Variants in CD6 observed in about 807,000 individuals in gnomAD.
CD6 encodes the protein CD6 molecule.
CD6 carries 53 observed loss-of-function variants against 75.3 expected under a neutral mutation model. The observed-to-expected ratio is 0.70, with a 90% CI of 0.56 to 0.88. The LOEUF is 0.88. CD6 is among the 40% of genes least tolerant of loss of function. The pLI is 0.00. For missense variants in CD6, 770 were observed against 897.1 expected (o/e 0.86, Z 1.81); for synonymous variants, 359 against 381.5 (o/e 0.94, Z 0.69).
At chr11:61,005,838 G>T (rs992687285) in intron 1 of CD6, among the ~76,000 whole-genome samples, 4 of 152,064 alleles carry the variant, frequency 2.6e-5, no homozygotes, top group Admixed American at 2.6e-4. Flanking sequence ...GGCTGAGACA[G>T]GAGAATCGCT....
intron 1 of CD6, among the ~76,000 whole-genome samples, chr11:61,000,460 G>A (rs1167045783): frequency 6.6e-6 from 1 of 152,164 alleles, no homozygotes; most frequent in East Asian, 1.9e-4. Flanking sequence ...CACTCAACGA[G>A]CATTCAGGAT....
chr11:60,987,190 A>G (rs1247218730), intron 1 of CD6, among the ~76,000 whole-genome samples: 1 of 152,258 alleles, frequency 6.6e-6, no homozygotes, highest in Non-Finnish European at 1.5e-5. Flanking sequence ...TCAAAGAGTC[A>G]GTGGGACTGG....
intron 8 of CD6, chr11:61,015,378 C>T (rs965522270): frequency 4.7e-6 from 1 of 211,938 alleles, no homozygotes; most frequent in African/African-American, 2.3e-5. Flanking sequence ...TGAGAACAGC[C>T]TGGGCAACAT....
Position 61,006,666 on chromosome 11 carries a change from G to A in CD6, c.118+24G>A, listed in dbSNP as rs150290463. The stretch of plus-strand genomic sequence containing the variant: ...AGGTGAGCAAACATTCCCTCTGGGG[G>A]TCCATGATCAGCTTTCTGTAGGTGG... On this transcript the variant is annotated intron_variant, in intron 2 of 12. Coordinates refer to ENST00000313421, the MANE Select transcript of CD6 (RefSeq NM_006725.5). The A allele has an allele frequency of 7.4e-4, 1,166 of 1,586,044 alleles. 1 individual carries two copies. The highest frequency in any genetic ancestry group is 9.3e-4 in the Non-Finnish European group (1,080 of 1,162,246).
At position 61,009,785 on chromosome 11, in the gene CD6, G is replaced by A. The variant is rs373043486; in HGVS notation, c.995G>A (p.Gly332Glu). The A allele has an allele frequency of 2.5e-6, 4 of 1,612,562 alleles. No homozygotes were observed. ...LSGRMYYSCN[G>E]EELTLSNCSW... ...GGCAGGATGTACTACTCATGCAATG[G>A]GGAGGAGCTCACCCTCTCCAACTGC... Residue 332 changes from glycine (G) to glutamate (E), a missense_variant, in exon 5 of 13, where the codon GGG (glycine) becomes GAG (glutamate). By Grantham distance (98) the Gly-to-Glu change is moderately conservative. Coordinates refer to ENST00000313421, the MANE Select transcript of CD6 (RefSeq NM_006725.5).
At chr11:61,014,118 G>T in intron 8 of CD6, 104 bp downstream of exon 8, 2 of 806,174 alleles carry the variant, frequency 2.5e-6, no homozygotes, top group East Asian at 2.8e-5. Context: ...CACACAGCTG[G>T]AGATGAGATC....
chr11:60,976,125 GT>G (rs1857354676), intron 1 of CD6, among the ~76,000 whole-genome samples: 1 of 152,166 alleles, frequency 6.6e-6, no homozygotes, highest in South Asian at 2.1e-4. Flanking sequence ...GCACTGGAGT[GT>G]TGTACATTGT....
intron 1 of CD6, among the ~76,000 whole-genome samples, chr11:60,983,279 AC>A (rs763799190): frequency 6.6e-6 from 1 of 151,656 alleles, no homozygotes; most frequent in Non-Finnish European, 1.5e-5. Context: ...TTTAGTAGAG[AC>A]GGGGTTTCAC....
At chr11:61,008,374 C>A in intron 3 of CD6, 160 bp from the exon 4 acceptor site, 1 of 693,238 alleles carries the variant, frequency 1.4e-6, no homozygotes, top group Admixed American at 2.9e-5. Flanking sequence ...CTACCTAACC[C>A]ATCTGCAGTC....
At chr11:60,977,368 C>A (rs987397550) in intron 1 of CD6, among the ~76,000 whole-genome samples, 1 of 152,100 alleles carries the variant, frequency 6.6e-6, no homozygotes, top group Non-Finnish European at 1.5e-5. Context: ...ACACCATGAG[C>A]TTTAACATCC....
At chr11:60,989,100 T>C (rs1159672809) in intron 1 of CD6, among the ~76,000 whole-genome samples, 2 of 152,206 alleles carry the variant, frequency 1.3e-5, no homozygotes, top group Non-Finnish European at 2.9e-5. Flanking sequence ...TCTTAACTCT[T>C]GCTACTTGTT....
intron 1 of CD6, among the ~76,000 whole-genome samples, chr11:60,978,014 G>A (rs1857423847): frequency 6.6e-6 from 1 of 152,168 alleles, no homozygotes; most frequent in East Asian, 1.9e-4. Context: ...ATGTCAGAGA[G>A]ACTTTAAAGA....
chr11:60,976,679 T>C (rs1857375731), intron 1 of CD6, among the ~76,000 whole-genome samples: 1 of 152,220 alleles, frequency 6.6e-6, no homozygotes, highest in South Asian at 2.1e-4. Flanking sequence ...GGTGTTTTTG[T>C]TGTTTTGCCA....
At chr11:60,977,026 G>A (rs944371571) in intron 1 of CD6, among the ~76,000 whole-genome samples, 39 of 152,242 alleles carry the variant, frequency 2.6e-4, no homozygotes, top group African/African-American at 8.7e-4. Context: ...ATGACAGTTA[G>A]CGTGGCCTTC....
At chr11:60,980,311 T>C (rs1857512661) in intron 1 of CD6, among the ~76,000 whole-genome samples, 1 of 146,230 alleles carries the variant, frequency 6.8e-6, no homozygotes, top group Non-Finnish European at 1.5e-5. Context: ...CAGAGCAGCA[T>C]AGGCAACATA....
Position 61,017,900 on chromosome 11 carries a change from G to T in CD6, c.1724G>T (p.Ser575Ile), listed in dbSNP as rs753060137. 6.2e-7 allele frequency: 1 copy of T among 1,614,068 alleles called. No homozygotes were observed. Among genetic ancestry groups the T allele is most frequent in the Non-Finnish European group, 8.5e-7 (1 of 1,180,018 alleles). Residue 575 changes from serine to isoleucine, a missense_variant, in exon 11 of 13, where the codon AGT becomes ATT. Physicochemically the swap from Ser to Ile is moderately radical, Grantham distance 142 (BLOSUM62 -2). Transcript: ENST00000313421. ...TCTTCAGGGGAGGATTACTGCAATA[G>T]TCCCAAAAGCAAGCTGCCTCCATGG... ...STSSGEDYCN[S>I]PKSKLPPWNP...
chr11:61,014,327 T>C (rs1349181826), intron 8 of CD6, among the ~76,000 whole-genome samples: 1 of 152,250 alleles, frequency 6.6e-6, no homozygotes, highest in East Asian at 1.9e-4. Context: ...AGTTGGCTAG[T>C]AGGCTTGTGA....
chr11:61,006,047 G>A (rs1006517663), intron 1 of CD6, among the ~76,000 whole-genome samples: 75 of 152,222 alleles, frequency 4.9e-4, no homozygotes, highest in African/African-American at 1.7e-3. Context: ...TTGCAATCCA[G>A]TGGTTCCCAG....
At position 60,971,768 on chromosome 11, in the gene CD6, C is replaced by A. The variant is rs1857190256; in HGVS notation, c.-98C>A. 3 of 1,206,714 alleles carry A rather than the reference C, an allele frequency of 2.5e-6. No homozygotes were observed. Among genetic ancestry groups the A allele is most frequent in the Middle Eastern group, 3.8e-4 (2 of 5,212 alleles). The allele number at this position is 1,206,714 out of a possible 1,614,324, so 74.8% of individuals were successfully genotyped here. ...CAAGAACAGCAAAGGGTAGAGCAGACCTGCGCCAGGGGCGCACAACGGCCG... is the reference window on the plus strand; with the variant it reads ...CAAGAACAGCAAAGGGTAGAGCAGAACTGCGCCAGGGGCGCACAACGGCCG... On this transcript the variant is annotated 5_prime_UTR_variant, in exon 1 of 13. Coordinates refer to ENST00000313421, the MANE Select transcript of CD6 (RefSeq NM_006725.5).
Sources: allele counts gnomAD v4.1 joint callset (sites outside exome capture counted in the v4.1 genomes callset), GRCh38; gene constraint gnomAD v4.1.1; transcripts MANE v1.5; gene names NCBI Gene and HGNC (gene_info 2026-07-23, HGNC 2026-07-21).